The following RASSF3 variants were observed in gnomAD, a reference collection of about 807,000 sequenced individuals.
The protein encoded by RASSF3 is Ras association domain family member 3, also known as ras association domain-containing protein 3.
In RASSF3, 19 loss-of-function variants were observed where a neutral mutation model predicts 19.9. That is an observed-to-expected ratio of 0.96 (90% CI 0.67 to 1.40). The LOEUF (loss-of-function observed/expected upper bound fraction) is 1.40, where lower values mean the gene tolerates loss of function less well. Among genes scored for constraint, RASSF3 ranks in the 40% most tolerant of loss-of-function variants. The pLI is 0.00. For missense variants in RASSF3, 306 were observed against 289.8 expected (o/e 1.06, Z -0.41); for synonymous variants, 110 against 104.2 (o/e 1.06, Z -0.34).
intron 2 of RASSF3, among the ~76,000 whole-genome samples, chr12:64,590,436 A>G (rs767368800): frequency 3.3e-5 from 5 of 152,308 alleles, no homozygotes; most frequent in South Asian, 2.1e-4. Context: ...TGACTTTCAA[A>G]TAAAGGGGAA....
At chr12:64,614,040 G>C (rs544724055) in intron 1 of RASSF3, among the ~76,000 whole-genome samples, 1 of 152,146 alleles carries the variant, frequency 6.6e-6, no homozygotes, top group Admixed American at 6.5e-5. Flanking sequence ...GCAGGGTCTC[G>C]ATCAGTACCT....
intron 4 of RASSF3, among the ~76,000 whole-genome samples, chr12:64,692,617 C>G (rs1382342475): frequency 1.3e-5 from 2 of 152,142 alleles, no homozygotes; most frequent in Non-Finnish European, 2.9e-5. Context: ...TGACCATTCC[C>G]TCTGCCAGCT....
intron 1 of RASSF3, among the ~76,000 whole-genome samples, chr12:64,675,048 C>CCT: frequency 8.9e-6 from 1 of 112,846 alleles, no homozygotes; most frequent in African/African-American, 3.6e-5. Context: ...CCACCTAGCC[C>CCT]CCCCCCCCCC....
chr12:64,672,249 G>A (rs1240985307), intron 1 of RASSF3, among the ~76,000 whole-genome samples: 3 of 151,688 alleles, frequency 2.0e-5, no homozygotes, highest in East Asian at 1.9e-4. Flanking sequence ...ATTTTGAGAC[G>A]GAGTCTTGCT....
At chr12:64,679,225 T>C (rs1873025363) in intron 1 of RASSF3, among the ~76,000 whole-genome samples, 1 of 152,138 alleles carries the variant, frequency 6.6e-6, no homozygotes, top group African/African-American at 2.4e-5. Flanking sequence ...CACACCCAGC[T>C]AATTTTTGTA....
chr12:64,590,448 A>C (rs946442008), intron 2 of RASSF3, among the ~76,000 whole-genome samples: 8 of 152,218 alleles, frequency 5.3e-5, no homozygotes, highest in African/African-American at 1.9e-4. Context: ...AAAGGGGAAG[A>C]GACACCCTTC....
chr12:64,570,873 T>G (rs1163428645), intron 2 of RASSF3, among the ~76,000 whole-genome samples: 1 of 152,180 alleles, frequency 6.6e-6, no homozygotes, highest in African/African-American at 2.4e-5. Flanking sequence ...CTGGAGACAC[T>G]TCTTAACCTT....
intron 1 of RASSF3, among the ~76,000 whole-genome samples, chr12:64,648,330 A>C (rs934051449): frequency 6.6e-6 from 1 of 152,040 alleles, no homozygotes; most frequent in African/African-American, 2.4e-5. Context: ...CTGATGGAGA[A>C]CTTGCAGTAG....
chr12:64,676,853 C>G (rs1295834291), intron 1 of RASSF3, among the ~76,000 whole-genome samples: 1 of 151,790 alleles, frequency 6.6e-6, no homozygotes, highest in African/African-American at 2.4e-5. Context: ...ACTGTAACCT[C>G]CATCTCCTGG....
intron 1 of RASSF3, among the ~76,000 whole-genome samples, chr12:64,662,302 TC>T (rs1872397346): frequency 6.6e-6 from 1 of 151,752 alleles, no homozygotes; most frequent in African/African-American, 2.4e-5. Flanking sequence ...TTGCCTGTAG[TC>T]CCAGCTACTC....
At chr12:64,676,684 T>C (rs1410763909) in intron 1 of RASSF3, among the ~76,000 whole-genome samples, 1 of 151,980 alleles carries the variant, frequency 6.6e-6, no homozygotes, top group Non-Finnish European at 1.5e-5. Context: ...TTGGCCACGC[T>C]GGTCTCAAAC....
chr12:64,543,418 CCCG>C (rs200834571), downstream of RASSF3, among the ~76,000 whole-genome samples: 773 of 51,628 alleles, frequency 0.015, 7 homozygotes, highest in East Asian at 0.082. Flanking sequence ...TTTCCCGCCC[CCCG>C]GCTCCCCGCC....
intron 1 of RASSF3, among the ~76,000 whole-genome samples, chr12:64,661,305 G>C (rs1872348891): frequency 6.6e-6 from 1 of 152,184 alleles, no homozygotes; most frequent in Admixed American, 6.5e-5. Context: ...CCAAAAGTTT[G>C]AGACCAGGCT....
chr12:64,658,774 G>C (rs979671667), intron 1 of RASSF3, among the ~76,000 whole-genome samples: 1 of 152,010 alleles, frequency 6.6e-6, no homozygotes, highest in Non-Finnish European at 1.5e-5. Flanking sequence ...ATCTCAAAAA[G>C]AAGAATGAAT....
intron 1 of RASSF3, among the ~76,000 whole-genome samples, chr12:64,612,213 G>T (rs1157645616): frequency 6.6e-6 from 1 of 151,940 alleles, no homozygotes; most frequent in Admixed American, 6.6e-5. Context: ...CTCTTTCTTG[G>T]CCTCTCTCTT....
At chr12:64,601,868 C>T (rs1308945525) in intron 2 of RASSF3, among the ~76,000 whole-genome samples, 3 of 151,476 alleles carry the variant, frequency 2.0e-5, no homozygotes, top group Non-Finnish European at 2.9e-5. Context: ...CTGTAATCCC[C>T]GCACTTTGGG....
intron 1 of RASSF3, among the ~76,000 whole-genome samples, chr12:64,679,513 T>C (rs1873037870): frequency 6.6e-6 from 1 of 152,216 alleles, no homozygotes; most frequent in South Asian, 2.1e-4. Context: ...GGACATATTC[T>C]TAGAAAGTCT....
At chr12:64,573,794 A>G (rs1869555151) in intron 2 of RASSF3, among the ~76,000 whole-genome samples, 1 of 152,038 alleles carries the variant, frequency 6.6e-6, no homozygotes, top group Non-Finnish European at 1.5e-5. Flanking sequence ...TCATATCACC[A>G]TGGCCATTTT....
chr12:64,600,290 AAC>A (rs1262327520), intron 2 of RASSF3, among the ~76,000 whole-genome samples: 2 of 151,996 alleles, frequency 1.3e-5, no homozygotes, highest in Admixed American at 1.3e-4. Flanking sequence ...TCCATCTCAA[AAC>A]ACACACAAAC....
Sources: allele counts gnomAD v4.1 joint callset (sites outside exome capture counted in the v4.1 genomes callset), GRCh38; gene constraint gnomAD v4.1.1; transcripts MANE v1.5; gene names NCBI Gene and HGNC (gene_info 2026-07-23, HGNC 2026-07-21).